The following PARP3 variants were observed in gnomAD, a reference collection of about 807,000 sequenced individuals.
PARP3 encodes protein mono-ADP-ribosyltransferase PARP3.
PARP3 carries 46 observed loss-of-function variants against 58.2 expected under a neutral mutation model. The observed-to-expected ratio is 0.79, with a 90% CI of 0.62 to 1.01. The LOEUF is 1.01. PARP3 is among the 50% of genes least tolerant of loss of function. The pLI, the probability that PARP3 is intolerant of heterozygous loss-of-function variation, is 0.00. For synonymous variants in PARP3, 252 were observed against 266.4 expected (o/e 0.95, Z 0.53); for missense variants, 663 against 683.9 (o/e 0.97, Z 0.34).
chr3:51,944,676 G>A lies in PARP3; in HGVS notation c.501+98G>A. 3 of 1,574,648 alleles carry A rather than the reference G, an allele frequency of 1.9e-6. No individual in the cohort carries two copies. The highest frequency in any genetic ancestry group is 2.6e-6 in the Non-Finnish European group (3 of 1,156,828). ...GGCTCTGCCACTGCCCAGCTGCGCA[G>A]CCTCAGCCACAGAACTCCCCTCTGG... is the stretch of plus-strand genomic sequence containing the variant. On this transcript the variant is annotated intron_variant, in intron 4 of 10. Transcript: ENST00000398755. This position sits in a 1 kb window ranked among gnomAD's most constrained non-coding sequence, Gnocchi z 4.2.
At chr3:51,945,438 G>A in intron 6 of PARP3, 57 bp from the exon 7 acceptor site, 5 of 1,579,568 alleles carry the variant, frequency 3.2e-6, no homozygotes, top group Non-Finnish European at 3.4e-6. Flanking sequence ...TGTGAGAGAG[G>A]AGAGGGGAGG....
At chr3:51,942,823 T>G in intron 1 of PARP3, 115 bp downstream of exon 1, 1 of 1,480,940 alleles carries the variant, frequency 6.8e-7, no homozygotes, top group East Asian at 2.5e-5. Context: ...TCAGAACTCT[T>G]GAGTCCATTG....
chr3:51,944,996 A>G lies in PARP3; in HGVS notation c.635-2A>G. ...AGTCTCCCCACTCCCCTGTCCCCCT[A>G]GATGTGAAGAAGATGCCCCTGGGAA... On this transcript the variant is annotated splice_acceptor_variant, in intron 5 of 10. Coordinates refer to ENST00000398755, the MANE Select transcript of PARP3 (RefSeq NM_001003931.4). LOFTEE classifies it high-confidence loss of function. This position sits in a 1 kb window ranked among gnomAD's most constrained non-coding sequence, Gnocchi z 4.2. The G allele has an allele frequency of 6.2e-7, 1 of 1,613,630 alleles. No individual in the cohort carries two copies.
In PARP3 at chr3:51,946,236, T is replaced by C; in HGVS notation, c.1169T>C (p.Val390Ala). The stretch of plus-strand genomic sequence containing the variant: ...CTGTGGCATGGCACCAACATGGCCG[T>C]GGTGGCCGCCATCCTCACTAGTGGG... ...KLLWHGTNMA[V>A]VAAILTSGLR... Residue 390 changes from valine to alanine, a missense_variant, in exon 9 of 11, where the codon GTG becomes GCG. Coordinates refer to ENST00000398755, the MANE Select transcript of PARP3 (RefSeq NM_001003931.4). The surrounding 1 kb of genome is among the most constrained non-coding windows in gnomAD (Gnocchi z 4.6). The C allele has an allele frequency of 6.2e-7, 1 of 1,613,884 alleles. No individual in the cohort carries two copies.
In PARP3 at chr3:51,948,660, C is replaced by A. The variant is rs2106702273; in HGVS notation, c.*180C>A. 1 of 598,330 alleles carries A rather than the reference C, an allele frequency of 1.7e-6. No homozygotes were observed. The highest frequency in any genetic ancestry group is 2.9e-5 in the East Asian group (1 of 33,970). The allele number at this position is 598,330 out of a possible 1,614,324, so 37.1% of individuals were successfully genotyped here. A position where few individuals can be genotyped will look rare whatever the true frequency, so the allele number is the denominator to read the frequency against. On this transcript the variant is annotated 3_prime_UTR_variant, in exon 11 of 11. Transcript: ENST00000398755. ...TGCCTCCTAACTGAAATTTTGTATT[C>A]TTTGACACATCTGCCCAGTCCCTCT...
intron 1 of PARP3, 159 bp downstream of exon 1, chr3:51,942,867 C>G (rs1393136630): frequency 7.0e-7 from 1 of 1,436,064 alleles, no homozygotes; most frequent in East Asian, 2.6e-5. Flanking sequence ...TTCTAAGCTC[C>G]GGGAGGATAA....
At position 51,946,785 on chromosome 3, in the gene PARP3, C is replaced by T. The variant is rs1174002543; in HGVS notation, c.1276+442C>T. Reference sequence around the variant, plus strand: ...AAATAAAAAAGAGGAGACGTCAAGGCAAGGGGATAGGCAGAGAGGCTGGGA... The same window carrying T: ...AAATAAAAAAGAGGAGACGTCAAGGTAAGGGGATAGGCAGAGAGGCTGGGA... On this transcript the variant is annotated intron_variant, in intron 9 of 10. Coordinates refer to ENST00000398755, the MANE Select transcript of PARP3 (RefSeq NM_001003931.4). The surrounding 1 kb of genome is among the most constrained non-coding windows in gnomAD (Gnocchi z 4.6). Among the ~76,000 whole-genome samples the T allele has an allele frequency of 6.6e-6, 1 of 152,208 alleles. No homozygotes were observed. Among genetic ancestry groups the T allele is most frequent in the Admixed American group, 6.5e-5 (1 of 15,286 alleles).
rs759691384 is a variant in PARP3 at position 51,946,049 on chromosome 3, G to A, written c.1098+110G>A. 522 of 1,351,378 alleles carry A rather than the reference G, an allele frequency of 3.9e-4. 1 individual carries two copies. The highest frequency in any genetic ancestry group is 5.0e-4 in the Non-Finnish European group (474 of 953,924). The allele number at this position is 1,351,378 out of a possible 1,614,324, so 83.7% of individuals were successfully genotyped here. A position where few individuals can be genotyped will look rare whatever the true frequency, so the allele number is the denominator to read the frequency against. On this transcript the variant is annotated intron_variant, in intron 8 of 10. Transcript: ENST00000398755. This position sits in a 1 kb window ranked among gnomAD's most constrained non-coding sequence, Gnocchi z 4.6. The stretch of plus-strand genomic sequence containing the variant: ...TTAGCAGCTCTGGTCAGTTTCTGCC[G>A]GCCATGAGTGCGCGTGAGTAAGCAG...
Position 51,944,709 on chromosome 3 carries a change from C to T in PARP3, c.502-69C>T. 6.4e-7 allele frequency: 1 copy of T among 1,572,456 alleles called. No homozygotes were observed. Among genetic ancestry groups the T allele is most frequent in the South Asian group, 1.2e-5 (1 of 85,734 alleles). ...CACAGAACTCCCCTCTGGCCTCAGG[C>T]TGGCTGGTCTCTGTCTGGTGTCACG... On this transcript the variant is annotated intron_variant, in intron 4 of 10. Coordinates refer to ENST00000398755, the MANE Select transcript of PARP3 (RefSeq NM_001003931.4). This position sits in a 1 kb window ranked among gnomAD's most constrained non-coding sequence, Gnocchi z 4.2.
rs983610688 is a variant in PARP3 at position 51,944,648 on chromosome 3, T to C, written c.501+70T>C. The stretch of plus-strand genomic sequence containing the variant: ...GGACTCGTTGGAGAGTTCCCGCTGG[T>C]TGGGCTCTGCCACTGCCCAGCTGCG... On this transcript the variant is annotated intron_variant, in intron 4 of 10. Transcript: ENST00000398755. This position sits in a 1 kb window ranked among gnomAD's most constrained non-coding sequence, Gnocchi z 4.2. 4 of 1,583,700 alleles carry C rather than the reference T, an allele frequency of 2.5e-6. No homozygotes were observed. The highest frequency in any genetic ancestry group is 3.4e-6 in the Non-Finnish European group (4 of 1,159,958).
Position 51,944,097 on chromosome 3 carries a change from G to A in PARP3, c.192G>A (p.Glu64=). Reference sequence around the variant, plus strand: ...CCTCCCCTCTGGCCCAGGTGTATGAGGACTACAACTGCACCCTGAACCAGA... The same window carrying A: ...CCTCCCCTCTGGCCCAGGTGTATGAAGACTACAACTGCACCCTGAACCAGA... ...LSSNPGTQVY[E]DYNCTLNQTN... Residue 64 remains glutamate (E), a synonymous_variant, in exon 3 of 11, where the codon GAG becomes GAA. Coordinates refer to ENST00000398755, the MANE Select transcript of PARP3 (RefSeq NM_001003931.4). The surrounding 1 kb of genome is among the most constrained non-coding windows in gnomAD (Gnocchi z 4.2). The A allele has an allele frequency of 1.2e-6, 2 of 1,613,560 alleles. No individual in the cohort carries two copies. Among genetic ancestry groups the A allele is most frequent in the Non-Finnish European group, 1.7e-6 (2 of 1,179,846 alleles).
At chr3:51,943,568 G>C in intron 2 of PARP3, 30 bp downstream of exon 2, 2 of 1,587,552 alleles carry the variant, frequency 1.3e-6, no homozygotes, top group Non-Finnish European at 1.7e-6. Flanking sequence ...CAGGCCCAGA[G>C]CCTGCCCACT....
At chr3:51,943,298 T>A (rs1699586801) in intron 1 of PARP3, 56 bp from the exon 2 acceptor site, 2 of 1,463,728 alleles carry the variant, frequency 1.4e-6, no homozygotes, top group Admixed American at 2.5e-5. Context: ...TGAGAGTGGG[T>A]CGTTGGGGAT....
chr3:51,947,696 G>A (rs773535588), intron 9 of PARP3, 44 bp from the exon 10 acceptor site: 2 of 1,609,996 alleles, frequency 1.2e-6, no homozygotes, highest in Non-Finnish European at 1.7e-6. Context: ...AGGTCAGCAG[G>A]AGGCAGGCTG....
chr3:51,948,241 G>A, intron 10 of PARP3, 70 bp from the exon 11 acceptor site: 2 of 1,444,500 alleles, frequency 1.4e-6, no homozygotes, highest in Non-Finnish European at 1.9e-6. Flanking sequence ...GAGCATAGGG[G>A]GCAGGACTTA....
chr3:51,946,405 C>T lies in PARP3; in HGVS notation c.1276+62C>T, dbSNP rs1699678828. The T allele has an allele frequency of 2.2e-6, 3 of 1,341,960 alleles. No homozygotes were observed. The highest frequency in any genetic ancestry group is 4.5e-5 in the Admixed American group (2 of 43,994). 83.1% of individuals were successfully genotyped at this position (1,341,960 alleles called of 1,614,324 possible). A position where few individuals can be genotyped will look rare whatever the true frequency, so the allele number is the denominator to read the frequency against. On this transcript the variant is annotated intron_variant, in intron 9 of 10. Transcript: ENST00000398755. The surrounding 1 kb of genome is among the most constrained non-coding windows in gnomAD (Gnocchi z 4.6). ...GGCACTAAGATGGATTGGGCCCAGT[C>T]CTTGGCCACTGGAAATTCATGGTGA...
chr3:51,946,384 C>T lies in PARP3; in HGVS notation c.1276+41C>T, dbSNP rs748446700. Reference sequence around the variant, plus strand: ...GGGCCAAGCCCTGGGAGGGTTGGCACTAAGATGGATTGGGCCCAGTCCTTG... The same window carrying T: ...GGGCCAAGCCCTGGGAGGGTTGGCATTAAGATGGATTGGGCCCAGTCCTTG... On this transcript the variant is annotated intron_variant, in intron 9 of 10. Transcript: ENST00000398755. This position sits in a 1 kb window ranked among gnomAD's most constrained non-coding sequence, Gnocchi z 4.6. The T allele has an allele frequency of 1.3e-6, 2 of 1,517,210 alleles. No individual in the cohort carries two copies. Among genetic ancestry groups the T allele is most frequent in the South Asian group, 1.3e-5 (1 of 79,104 alleles). 94.0% of individuals were successfully genotyped at this position (1,517,210 alleles called of 1,614,324 possible).
rs370350966 is a variant in PARP3 at position 51,943,453 on chromosome 3, C to G, written c.98C>G (p.Ala33Gly). The G allele has an allele frequency of 8.8e-5, 141 of 1,609,078 alleles. No homozygotes were observed. The highest frequency in any genetic ancestry group is 1.2e-4 in the Non-Finnish European group (139 of 1,178,384). The change falls in exon 2 of 11, where the codon GCT becomes GGT. Residue 33 changes from alanine (A) to glycine (G), a missense_variant. Ala to Gly is a moderately conservative substitution (Grantham distance 60). This residue lies in a region of PARP3 where 567 missense variants were observed against 553.6 expected (regional missense o/e 1.02). Transcript: ENST00000398755. Reference protein sequence around the residue: ...GREEDPFRSTAEALKAIPAEK... With the variant: ...GREEDPFRSTGEALKAIPAEK... ...GAGGAGGACCCCTTCCGCTCCACCG[C>G]TGAGGCCCTCAAGGCCATACCCGCA...
chr3:51,947,609 G>T (rs549396480), intron 9 of PARP3, 131 bp from the exon 10 acceptor site: 5 of 942,200 alleles, frequency 5.3e-6, no homozygotes, highest in Non-Finnish European at 8.0e-6. Context: ...GGGAGTGACG[G>T]TTGGGGGAGA....
Sources: allele counts gnomAD v4.1 joint callset (sites outside exome capture counted in the v4.1 genomes callset), GRCh38; gene constraint gnomAD v4.1.1; regional missense constraint gnomAD v4.1.1; non-coding constraint Gnocchi (gnomAD v3.1); transcripts MANE v1.5; gene names NCBI Gene and HGNC (gene_info 2026-07-23, HGNC 2026-07-21).